Variants in NPAS3 observed in about 807,000 individuals in gnomAD.
NPAS3 encodes neuronal PAS domain-containing protein 3.
NPAS3 carries 14 observed loss-of-function variants against 73.1 expected under a neutral mutation model. The observed-to-expected ratio is 0.19, with a 90% CI of 0.13 to 0.30. The LOEUF (loss-of-function observed/expected upper bound fraction) is 0.30, where lower values mean the gene tolerates loss of function less well. NPAS3 is among the 10% of genes least tolerant of loss of function. The probability of loss-of-function intolerance (pLI) is 1.00; values close to 1 mark genes in which losing one functional copy is unlikely to be tolerated. For missense variants in NPAS3, 1,096 were observed against 1,250.0 expected (o/e 0.88, Z 1.86); for synonymous variants, 620 against 541.5 (o/e 1.14, Z -2.01).
intron 1 of NPAS3, among the ~76,000 whole-genome samples, chr14:33,051,070 C>G (rs1403497142): frequency 6.6e-6 from 1 of 151,142 alleles, no homozygotes; most frequent in Non-Finnish European, 1.5e-5. Flanking sequence ...GTCAGGAGAT[C>G]GAGACCATCC....
At position 32,966,627 on chromosome 14, in the gene NPAS3, G is replaced by A. The variant is rs59540691; in HGVS notation, c.50+27261G>A. Among the ~76,000 whole-genome samples, 364 of 134,666 alleles carry A rather than the reference G, an allele frequency of 2.7e-3. 75 individuals are homozygous for A. Among genetic ancestry groups the A allele is most frequent in the Middle Eastern group, 0.011 (3 of 280 alleles). 88.3% of individuals were successfully genotyped at this position (134,666 alleles called of 152,430 possible). ...CTACTAAAAATACAAAAAATTAGCC[G>A]GGCGCGGTGGCGGGCGCCTGTAGTC... On this transcript the variant is annotated intron_variant, in intron 1 of 11. Transcript: ENST00000356141.
chr14:33,719,656 C>A (rs953344795), intron 6 of NPAS3, among the ~76,000 whole-genome samples: 7 of 152,070 alleles, frequency 4.6e-5, no homozygotes, highest in Non-Finnish European at 8.8e-5. Context: ...GAAGTTGAAC[C>A]AACAAACCTG....
chr14:33,209,911 T>C (rs1254849754), intron 2 of NPAS3, among the ~76,000 whole-genome samples: 2 of 152,204 alleles, frequency 1.3e-5, no homozygotes, highest in Non-Finnish European at 2.9e-5. Context: ...ATAGAAATAG[T>C]GTGGATCTGT....
chr14:33,004,431 G>C (rs61980346), intron 1 of NPAS3, among the ~76,000 whole-genome samples: 9,611 of 152,234 alleles, frequency 0.063, 391 homozygotes, highest in Middle Eastern at 0.16. Context: ...AAAAGGTCCA[G>C]TAAAAATACA....
At chr14:32,945,393 C>G (rs1261326982) in intron 1 of NPAS3, among the ~76,000 whole-genome samples, 1 of 152,156 alleles carries the variant, frequency 6.6e-6, no homozygotes, top group Non-Finnish European at 1.5e-5. Flanking sequence ...ACATTGGACA[C>G]TGCCATGTTT....
intron 10 of NPAS3, among the ~76,000 whole-genome samples, chr14:33,796,517 G>A (rs1595633037): frequency 6.6e-6 from 1 of 152,306 alleles, no homozygotes; most frequent in Non-Finnish European, 1.5e-5. Context: ...AATTTCGCTA[G>A]AGATTAGCAA....
At chr14:33,095,844 AT>A (rs924199084) in intron 2 of NPAS3, among the ~76,000 whole-genome samples, 7 of 147,698 alleles carry the variant, frequency 4.7e-5, no homozygotes, top group Non-Finnish European at 7.5e-5. Context: ...AATTTTTTGT[AT>A]TTTTTTTTAG....
chr14:33,016,256 T>TA, intron 1 of NPAS3, among the ~76,000 whole-genome samples: 1 of 152,120 alleles, frequency 6.6e-6, no homozygotes, highest in East Asian at 1.9e-4. Context: ...ACAATCCAAA[T>TA]AAAAAAAATT....
intron 1 of NPAS3, among the ~76,000 whole-genome samples, chr14:32,955,279 A>G (rs1486406653): frequency 1.3e-5 from 2 of 152,138 alleles, no homozygotes; most frequent in East Asian, 1.9e-4. Flanking sequence ...CAAATTAATT[A>G]TCGAAGTGTA....
intron 2 of NPAS3, among the ~76,000 whole-genome samples, chr14:33,154,076 A>G (rs1815171908): frequency 6.6e-6 from 1 of 152,162 alleles, no homozygotes; most frequent in African/African-American, 2.4e-5. Flanking sequence ...AGATCTCTTT[A>G]TGGAAAAATA....
intron 2 of NPAS3, among the ~76,000 whole-genome samples, chr14:33,150,010 C>T (rs769840438): frequency 6.6e-6 from 1 of 152,142 alleles, no homozygotes; most frequent in Non-Finnish European, 1.5e-5. Flanking sequence ...TTGTTCAACT[C>T]CCATTTATGA....
At chr14:32,998,614 A>G (rs1002317050) in intron 1 of NPAS3, among the ~76,000 whole-genome samples, 3 of 152,150 alleles carry the variant, frequency 2.0e-5, no homozygotes, top group Non-Finnish European at 4.4e-5. Context: ...CCAGCTTCCT[A>G]TAGGAGACCT....
At chr14:33,784,170 G>A (rs938309710) in intron 9 of NPAS3, among the ~76,000 whole-genome samples, 1 of 151,962 alleles carries the variant, frequency 6.6e-6, no homozygotes, top group Non-Finnish European at 1.5e-5. Flanking sequence ...TTTTTCCCTT[G>A]GGCGAATACT....
chr14:32,938,929 G>C (rs1425968101), upstream of NPAS3, among the ~76,000 whole-genome samples: 1 of 144,780 alleles, frequency 6.9e-6, no homozygotes, highest in Non-Finnish European at 1.5e-5. Flanking sequence ...GGGGCGGCCC[G>C]GGCCGCGGGC....
At chr14:33,195,164 G>C (rs963271793) in intron 2 of NPAS3, among the ~76,000 whole-genome samples, 1 of 151,588 alleles carries the variant, frequency 6.6e-6, no homozygotes, top group Non-Finnish European at 1.5e-5. Context: ...ACTGTACATA[G>C]AGAGTAAACA....
chr14:33,417,779 T>G (rs1269949618), intron 4 of NPAS3, among the ~76,000 whole-genome samples: 2 of 151,242 alleles, frequency 1.3e-5, no homozygotes, highest in Non-Finnish European at 3.0e-5. Context: ...CATGAGGAGA[T>G]CTCACTGAAA....
intron 2 of NPAS3, chr14:33,214,446 T>G (rs2047147527): frequency 6.6e-6 from 1 of 152,226 alleles, no homozygotes; most frequent in African/African-American, 2.4e-5. Context: ...CAATATTAAA[T>G]TTATATTTTC....
At chr14:33,363,120 AGCTGACCTTTCG>A (rs2045682535) in intron 3 of NPAS3, among the ~76,000 whole-genome samples, 1 of 152,190 alleles carries the variant, frequency 6.6e-6, no homozygotes, top group Non-Finnish European at 1.5e-5. Context: ...TTCCATGGCA[AGCTGACCTTTCG>A]GCTGAATAGG....
At chr14:33,733,361 C>A (rs751758267) in intron 6 of NPAS3, among the ~76,000 whole-genome samples, 1 of 150,644 alleles carries the variant, frequency 6.6e-6, no homozygotes, top group Non-Finnish European at 1.5e-5. Context: ...GCATCCCTTA[C>A]GAGAAAAAAT....
Sources: gnomAD v4.1 joint callset for allele counts (sites outside exome capture counted in the v4.1 genomes callset) on GRCh38, gnomAD v4.1.1 for gene constraint, MANE v1.5 for transcripts, NCBI Gene and HGNC (gene_info 2026-07-23, HGNC 2026-07-21) for gene names.